The following AMOTL1 variants were observed in gnomAD, a reference collection of about 807,000 sequenced individuals.
The protein encoded by AMOTL1 is angiomotin-like protein 1.
In AMOTL1, 45 loss-of-function variants were observed where a neutral mutation model predicts 102.9. The observed-to-expected ratio is 0.44, with a 90% CI of 0.34 to 0.56. AMOTL1 has a LOEUF of 0.56. AMOTL1 is among the 20% of genes least tolerant of loss of function. The pLI is 0.01. For missense variants in AMOTL1, 1,114 were observed against 1,225.6 expected, an observed-to-expected ratio of 0.91 and a Z score of 1.36; for synonymous variants, 481 against 484.7, an observed-to-expected ratio of 0.99 and a Z score of 0.10.
At chr11:94,811,953 A>C (rs903815784) in intron 3 of AMOTL1, among the ~76,000 whole-genome samples, 6 of 152,088 alleles carry the variant, frequency 3.9e-5, no homozygotes, top group Non-Finnish European at 7.4e-5. Context: ...AGTTACCTGC[A>C]CTCCATCATG....
intron 1 of AMOTL1, among the ~76,000 whole-genome samples, chr11:94,793,058 A>T (rs1463407286): frequency 6.6e-6 from 1 of 152,136 alleles, no homozygotes; most frequent in Non-Finnish European, 1.5e-5. Context: ...TTCTTTATAC[A>T]CATATTCATA....
At chr11:94,835,754 CAA>C (rs1313270594) in intron 6 of AMOTL1, among the ~76,000 whole-genome samples, 1 of 152,164 alleles carries the variant, frequency 6.6e-6, no homozygotes, top group Non-Finnish European at 1.5e-5. Flanking sequence ...TGGTTAAACT[CAA>C]GTTTGTGTTA....
intron 1 of AMOTL1, among the ~76,000 whole-genome samples, chr11:94,784,776 C>T (rs1296261311): frequency 6.6e-6 from 1 of 152,158 alleles, no homozygotes; most frequent in East Asian, 1.9e-4. Flanking sequence ...CCAAACCTGA[C>T]TGCATTCAAA....
intron 7 of AMOTL1, among the ~76,000 whole-genome samples, chr11:94,852,247 G>C (rs750178733): frequency 3.3e-5 from 5 of 152,180 alleles, no homozygotes; most frequent in African/African-American, 1.2e-4. Flanking sequence ...GGTGTAAAAA[G>C]TCTAAAGTTG....
chr11:94,755,605 A>G lies in AMOTL1; in HGVS notation c.136+14617A>G, dbSNP rs1950713249. ...TGCCTTCTAGAGCTTTCCAACATTT[A>G]TTTTACTGAAATGGGAGGAGTTCCC... On this transcript the variant is annotated intron_variant, in intron 3 of 4. Transcript: ENST00000299004. Among the ~76,000 whole-genome samples, 3 of 152,050 alleles carry G rather than the reference A, an allele frequency of 2.0e-5. No homozygotes were observed. In the South Asian group the frequency reaches 6.2e-4, roughly 32 times the overall value.
chr11:94,707,250 C>CTCTGTG (rs1338023479), intron 1 of AMOTL1, among the ~76,000 whole-genome samples: 27 of 71,802 alleles, frequency 3.8e-4, no homozygotes, highest in East Asian at 2.5e-3. Flanking sequence ...CTCTCTCTCT[C>CTCTGTG]TGTGTGTGTG....
chr11:94,809,521 G>A (rs762708015), intron 3 of AMOTL1, among the ~76,000 whole-genome samples: 2 of 152,242 alleles, frequency 1.3e-5, no homozygotes, highest in South Asian at 2.1e-4. Flanking sequence ...CACACGGGCT[G>A]TAGGGACAGG....
At chr11:94,791,925 A>G (rs575238374) in intron 1 of AMOTL1, among the ~76,000 whole-genome samples, 1 of 152,268 alleles carries the variant, frequency 6.6e-6, no homozygotes, top group African/African-American at 2.4e-5. Flanking sequence ...GCAGGGAAGG[A>G]TTAGGTACAT....
At chr11:94,819,010 CTCT>C (rs1951816016) in intron 3 of AMOTL1, among the ~76,000 whole-genome samples, 2 of 148,196 alleles carry the variant, frequency 1.3e-5, no homozygotes, top group African/African-American at 5.0e-5. Flanking sequence ...TTGTTTTTTT[CTCT>C]TCCTCCTCCT....
intron 3 of AMOTL1, among the ~76,000 whole-genome samples, chr11:94,755,406 A>G (rs539893584): frequency 8.5e-5 from 13 of 152,298 alleles, no homozygotes; most frequent in Admixed American, 2.6e-4. Flanking sequence ...TTAATGCACC[A>G]TCACTCAGCC....
At chr11:94,847,038 G>A (rs1406032810) in intron 6 of AMOTL1, among the ~76,000 whole-genome samples, 1 of 152,214 alleles carries the variant, frequency 6.6e-6, no homozygotes, top group African/African-American at 2.4e-5. Flanking sequence ...GAACCAGTGT[G>A]AGTGATACTA....
intron 1 of AMOTL1, among the ~76,000 whole-genome samples, chr11:94,771,257 G>GC (rs1950944915): frequency 4.2e-5 from 2 of 47,900 alleles, no homozygotes; most frequent in Admixed American, 2.7e-4. Context: ...TTTTGGCGGG[G>GC]TTGGGGGGGG....
chr11:94,712,730 T>C (rs976046578), intron 1 of AMOTL1, among the ~76,000 whole-genome samples: 1 of 152,016 alleles, frequency 6.6e-6, no homozygotes, highest in African/African-American at 2.4e-5. Context: ...ATATTCTAGA[T>C]ATAAGTCCTT....
chr11:94,747,984 G>T (rs1950609693), intron 3 of AMOTL1, among the ~76,000 whole-genome samples: 1 of 152,166 alleles, frequency 6.6e-6, no homozygotes, highest in Non-Finnish European at 1.5e-5. Flanking sequence ...CTAGTTATAT[G>T]CCAGGAAAAA....
chr11:94,768,503 G>T lies in AMOTL1; in HGVS notation c.-9G>T. 1 of 1,598,416 alleles carries T rather than the reference G, an allele frequency of 6.3e-7. No individual in the cohort carries two copies. The highest frequency in any genetic ancestry group is 8.5e-7 in the Non-Finnish European group (1 of 1,173,042). The stretch of plus-strand genomic sequence containing the variant: ...CCAGCCGAGGGACTGAACTAGCCAT[G>T]ATCGCCTCATGTGGAGGGCAAAGTT... On this transcript the variant is annotated 5_prime_UTR_variant, in exon 1 of 13. An upstream start codon of the reference 5' UTR is lost. Coordinates refer to ENST00000433060, the MANE Select transcript of AMOTL1 (RefSeq NM_130847.3).
At position 94,854,232 on chromosome 11, in the gene AMOTL1, C is replaced by G. The variant is rs549008013; in HGVS notation, c.1944+150C>G. ...TGTCCTCAGTGAACCCATACAACAACCAGGAGAGAAGGCGAGCAGTCCGCT... is the reference window on the plus strand; with the variant it reads ...TGTCCTCAGTGAACCCATACAACAAGCAGGAGAGAAGGCGAGCAGTCCGCT... On this transcript the variant is annotated intron_variant, in intron 8 of 12. Coordinates refer to ENST00000433060, the MANE Select transcript of AMOTL1 (RefSeq NM_130847.3). The G allele has an allele frequency of 5.6e-6, 6 of 1,071,088 alleles. No individual in the cohort carries two copies. The African/African-American group carries it at 6.5e-5, about 12-fold the overall frequency. 66.3% of individuals were successfully genotyped at this position (1,071,088 alleles called of 1,614,324 possible).
At chr11:94,768,634 C>T (rs1950892747) in intron 1 of AMOTL1, 74 bp downstream of exon 1, 5 of 1,546,088 alleles carry the variant, frequency 3.2e-6, no homozygotes, top group Non-Finnish European at 4.4e-6. Context: ...TCGCCCCGGG[C>T]TCCCCGGGCC....
intron 1 of AMOTL1, among the ~76,000 whole-genome samples, chr11:94,711,467 G>GTGTGTGTGTGTGTT (rs1261603050): frequency 6.6e-6 from 1 of 151,456 alleles, no homozygotes; most frequent in Non-Finnish European, 1.5e-5. Flanking sequence ...TGTACTCATT[G>GTGTGTGTGTGTGTT]TGTGTGTGTG....
intron 3 of AMOTL1, among the ~76,000 whole-genome samples, chr11:94,747,671 A>G (rs762201214): frequency 6.6e-6 from 1 of 152,190 alleles, no homozygotes; most frequent in Non-Finnish European, 1.5e-5. Context: ...GGCTTAACAC[A>G]AGGAAGACTG....
Sources: allele counts gnomAD v4.1 joint callset (sites outside exome capture counted in the v4.1 genomes callset), GRCh38; gene constraint gnomAD v4.1.1; transcripts MANE v1.5; gene names NCBI Gene and HGNC (gene_info 2026-07-23, HGNC 2026-07-21).